The following IL1RAPL1 variants were observed in gnomAD, a reference collection of about 807,000 sequenced individuals.
IL1RAPL1 encodes the protein interleukin-1 receptor accessory protein-like 1.
In IL1RAPL1, 3 loss-of-function variants were observed where a neutral mutation model predicts 48.4. The ratio of observed to expected loss-of-function variants is 0.06; its 90% CI spans 0.03 to 0.16. The LOEUF (loss-of-function observed/expected upper bound fraction) is 0.16. Ranked by LOEUF, IL1RAPL1 falls within the 10% of genes least tolerant of loss-of-function variation. IL1RAPL1 has a pLI of 1.00. For missense variants in IL1RAPL1, 349 were observed against 530.6 expected, an observed-to-expected ratio of 0.66 and a Z score of 3.36; for synonymous variants, 185 against 187.7, an observed-to-expected ratio of 0.99 and a Z score of 0.12.
chrX:29,671,313 C>T (rs1194618140), intron 6 of IL1RAPL1, among the ~76,000 whole-genome samples: 1 of 111,733 alleles, frequency 8.9e-6, no homozygotes, highest in Non-Finnish European at 1.9e-5. Context: ...TCCATCTTTT[C>T]AAACTGGAAA....
intron 1 of IL1RAPL1, among the ~76,000 whole-genome samples, chrX:28,684,460 A>G (rs1259684750): frequency 8.9e-6 from 1 of 112,006 alleles, no homozygotes; most frequent in African/African-American, 3.2e-5. Flanking sequence ...ATCATGTTTA[A>G]CATCCTCGAA....
At chrX:29,702,115 C>T (rs1435599827) in intron 6 of IL1RAPL1, among the ~76,000 whole-genome samples, 2 of 110,844 alleles carry the variant, frequency 1.8e-5, no homozygotes, top group African/African-American at 3.3e-5. Flanking sequence ...CCTAGCTGGG[C>T]GTGGTGGTGT....
At chrX:29,183,263 A>C (rs1339114057) in intron 2 of IL1RAPL1, among the ~76,000 whole-genome samples, 2 of 111,245 alleles carry the variant, frequency 1.8e-5, no homozygotes, top group African/African-American at 6.5e-5. Flanking sequence ...CCTCTTCTCC[A>C]TCCCTGCAGA....
At chrX:29,348,148 T>C (rs1933176077) in intron 3 of IL1RAPL1, among the ~76,000 whole-genome samples, 1 of 112,262 alleles carries the variant, frequency 8.9e-6, no homozygotes, top group Non-Finnish European at 1.9e-5. Flanking sequence ...AATTACACTG[T>C]GGCCCGAAGA....
At chrX:28,612,981 T>A (rs1934170344) in intron 1 of IL1RAPL1, among the ~76,000 whole-genome samples, 1 of 111,805 alleles carries the variant, frequency 8.9e-6, no homozygotes, top group Non-Finnish European at 1.9e-5. Flanking sequence ...TCTCGTAACA[T>A]TTCTGCCTAT....
At chrX:29,495,202 T>C (rs1935200856) in intron 5 of IL1RAPL1, among the ~76,000 whole-genome samples, 1 of 112,240 alleles carries the variant, frequency 8.9e-6, no homozygotes, top group African/African-American at 3.2e-5. Context: ...CCTTGTAACC[T>C]TATCTTGACA....
intron 6 of IL1RAPL1, among the ~76,000 whole-genome samples, chrX:29,879,573 G>T (rs1931984790): frequency 9.1e-6 from 1 of 109,372 alleles, no homozygotes; most frequent in Non-Finnish European, 1.9e-5. Context: ...TAGAGAAAAA[G>T]CTGGAAGGGT....
At chrX:28,902,667 G>A (rs992729595) in intron 2 of IL1RAPL1, among the ~76,000 whole-genome samples, 33 of 111,679 alleles carry the variant, frequency 3.0e-4, no homozygotes, top group African/African-American at 1.1e-3. Context: ...ATGAGGACAG[G>A]AAGTACTTTT....
intron 2 of IL1RAPL1, among the ~76,000 whole-genome samples, chrX:29,065,086 T>G (rs2147436231): frequency 9.0e-6 from 1 of 111,423 alleles, no homozygotes; most frequent in Non-Finnish European, 1.9e-5. Context: ...GGTCCCAAAA[T>G]AAAGTTATAT....
At chrX:29,766,071 C>G (rs1019191909) in intron 6 of IL1RAPL1, among the ~76,000 whole-genome samples, 7 of 108,655 alleles carry the variant, frequency 6.4e-5, no homozygotes, top group Non-Finnish European at 1.3e-4. Context: ...TGGCTCACGA[C>G]TGTAATCCCA....
intron 6 of IL1RAPL1, among the ~76,000 whole-genome samples, chrX:29,723,643 T>C (rs765053459): frequency 8.9e-6 from 1 of 112,007 alleles, no homozygotes; most frequent in South Asian, 3.7e-4. Context: ...ATGCTAAGAT[T>C]GACCAACAGT....
In IL1RAPL1 at chrX:29,296,952, T is replaced by C. The variant is rs1310439949; in HGVS notation, c.362+13735T>C. On this transcript the variant is annotated intron_variant, in intron 3 of 10. Coordinates refer to ENST00000378993, the MANE Select transcript of IL1RAPL1 (RefSeq NM_014271.4). Reference sequence around the variant, plus strand: ...TTCTGACTTTCAGGCAAGTATCCATTGAGTAACTGTTTTATTATACAAAAT... The same window carrying C: ...TTCTGACTTTCAGGCAAGTATCCATCGAGTAACTGTTTTATTATACAAAAT... Among the ~76,000 whole-genome samples the C allele has an allele frequency of 2.7e-5, 3 of 111,887 alleles. No individual in the cohort carries two copies. The Admixed American group carries it at 2.9e-4, about 11-fold the overall frequency.
intron 6 of IL1RAPL1, among the ~76,000 whole-genome samples, chrX:29,758,075 A>G (rs765137277): frequency 1.8e-5 from 2 of 111,784 alleles, no homozygotes; most frequent in Non-Finnish European, 3.8e-5. Context: ...TATTTATTTT[A>G]TTTGCCTATC....
intron 1 of IL1RAPL1, among the ~76,000 whole-genome samples, chrX:28,681,203 T>G (rs1002638003): frequency 9.0e-6 from 1 of 111,679 alleles, no homozygotes; most frequent in Non-Finnish European, 1.9e-5. Context: ...TTTTGACATA[T>G]AATTCTTCAT....
chrX:29,506,432 T>TCTCCCCCTCCTCCTC (rs1556025722), intron 5 of IL1RAPL1, among the ~76,000 whole-genome samples: 360 of 21,535 alleles, frequency 0.017, 3 homozygotes, highest in African/African-American at 0.054. Flanking sequence ...TTCTTCTCCT[T>TCTCCCCCTCCTCCTC]CTCCTTCTCC....
intron 5 of IL1RAPL1, among the ~76,000 whole-genome samples, chrX:29,482,251 A>G (rs1184563666): frequency 6.3e-5 from 7 of 111,725 alleles, no homozygotes; most frequent in Non-Finnish European, 1.1e-4. Flanking sequence ...AGCATAACAT[A>G]TTAATGAAGA....
chrX:29,835,817 T>C lies in IL1RAPL1; in HGVS notation c.779-81647T>C, dbSNP rs979243258. 4.6e-5 allele frequency among the ~76,000 whole-genome samples: 5 copies of C among 109,139 alleles called. No homozygotes were observed. In the Admixed American group the frequency reaches 4.9e-4, roughly 11 times the overall value. The allele number at this position is 109,139 out of a possible 115,157, so 94.8% of individuals were successfully genotyped here. ...ATTTATAATAGTCTCTTATAATACGTTGTATTTCTGTGGTATCAATTGTAA... is the reference window on the plus strand; with the variant it reads ...ATTTATAATAGTCTCTTATAATACGCTGTATTTCTGTGGTATCAATTGTAA... On this transcript the variant is annotated intron_variant, in intron 6 of 10. Coordinates refer to ENST00000378993, the MANE Select transcript of IL1RAPL1 (RefSeq NM_014271.4).
chrX:29,287,499 A>T (rs1193673935), intron 3 of IL1RAPL1, among the ~76,000 whole-genome samples: 1 of 112,548 alleles, frequency 8.9e-6, no homozygotes, highest in African/African-American at 3.2e-5. Flanking sequence ...GAAAGAACCA[A>T]ACTATTTTTC....
intron 6 of IL1RAPL1, among the ~76,000 whole-genome samples, chrX:29,881,153 A>G (rs1339783507): frequency 1.8e-5 from 2 of 110,598 alleles, no homozygotes; most frequent in East Asian, 5.7e-4. Flanking sequence ...TTCTTGAAGC[A>G]CTTCCAATAT....
Sources: allele counts gnomAD v4.1 joint callset (sites outside exome capture counted in the v4.1 genomes callset), GRCh38; gene constraint gnomAD v4.1.1; transcripts MANE v1.5; gene names NCBI Gene and HGNC (gene_info 2026-07-23, HGNC 2026-07-21).